Variants in RTL4 observed in about 807,000 individuals in gnomAD.
The protein encoded by RTL4 is retrotransposon Gag like 4, also known as retrotransposon Gag-like protein 4.
A neutral mutation model predicts 5.3 loss-of-function variants in RTL4; 4 were observed. The observed-to-expected ratio is 0.75, with a 90% CI of 0.37 to 1.72. The LOEUF (loss-of-function observed/expected upper bound fraction) is 1.72, where lower values mean the gene tolerates loss of function less well. Ranked by LOEUF, RTL4 falls within the 40% of genes most tolerant of loss-of-function variation. RTL4 has a pLI of 0.04. For synonymous variants in RTL4, 98 were observed against 87.3 expected, an observed-to-expected ratio of 1.12 and a Z score of -0.68; for missense variants, 260 against 227.1, an observed-to-expected ratio of 1.14 and a Z score of -0.93.
chrX:112,235,719 G>T, the RTL4 span, among the ~76,000 whole-genome samples: 1 of 111,762 alleles, frequency 8.9e-6, no homozygotes, highest in Non-Finnish European at 1.9e-5. Flanking sequence ...TGAAAAATTG[G>T]ACCTGGCACC....
the RTL4 span, among the ~76,000 whole-genome samples, chrX:112,249,730 C>T: frequency 9.3e-6 from 1 of 107,960 alleles, no homozygotes; most frequent in African/African-American, 3.4e-5. Flanking sequence ...CTGAACATCT[C>T]AGCCTCTATA....
the RTL4 span, among the ~76,000 whole-genome samples, chrX:112,198,153 T>G: frequency 1.4e-4 from 16 of 111,623 alleles, no homozygotes; most frequent in Admixed American, 1.5e-3. Context: ...GGAAGCATGC[T>G]CTGAAGAAAA....
At chrX:112,452,352 C>T (rs998317747), upstream of RTL4, among the ~76,000 whole-genome samples, 8 of 105,313 alleles carry the variant, frequency 7.6e-5, no homozygotes, top group African/African-American at 2.8e-4. Context: ...CCACCCACCT[C>T]GGCCTCCCAA....
At chrX:112,398,396 C>CTTTTTTTTTTT in the RTL4 span, among the ~76,000 whole-genome samples, 3 of 72,168 alleles carry the variant, frequency 4.2e-5, no homozygotes, top group African/African-American at 1.2e-4. Context: ...TTCTTTCTTT[C>CTTTTTTTTTTT]TTTTTTTTTT....
the RTL4 span, among the ~76,000 whole-genome samples, chrX:112,216,746 G>T: frequency 8.9e-6 from 1 of 111,788 alleles, no homozygotes; most frequent in Non-Finnish European, 1.9e-5. Context: ...CTTCTCAAGC[G>T]TGTTTATTTT....
At chrX:112,095,172 C>T in the RTL4 span, among the ~76,000 whole-genome samples, 2 of 111,370 alleles carry the variant, frequency 1.8e-5, no homozygotes, top group Non-Finnish European at 3.8e-5. Flanking sequence ...AAAGTATCCA[C>T]GTGGATTCAG....
At chrX:112,204,214 G>T in the RTL4 span, among the ~76,000 whole-genome samples, 3 of 112,279 alleles carry the variant, frequency 2.7e-5, no homozygotes, top group Non-Finnish European at 5.6e-5. Context: ...GAACGCTTGC[G>T]CACTGTTGGT....
At chrX:112,322,692 C>G in the RTL4 span, among the ~76,000 whole-genome samples, 156 of 111,132 alleles carry the variant, frequency 1.4e-3, 6 homozygotes, top group Non-Finnish European at 1.2e-3. Context: ...CATGATAAAC[C>G]ATGTTGCCCT....
the RTL4 span, among the ~76,000 whole-genome samples, chrX:112,339,693 G>C: frequency 2.7e-5 from 3 of 112,541 alleles, no homozygotes; most frequent in Non-Finnish European, 3.8e-5. Flanking sequence ...AATATCAATT[G>C]TGCATTTAAG....
At chrX:112,331,354 A>C in the RTL4 span, among the ~76,000 whole-genome samples, 1 of 106,677 alleles carries the variant, frequency 9.4e-6, no homozygotes, top group African/African-American at 3.4e-5. Context: ...AAAGGACATG[A>C]ACAGACACTT....
At chrX:112,369,745 C>T in the RTL4 span, among the ~76,000 whole-genome samples, 1,693 of 111,954 alleles carry the variant, frequency 0.015, 36 homozygotes, top group African/African-American at 0.052. Context: ...ATTCCTTTGG[C>T]TAGAAGCTAG....
At chrX:112,222,817 G>T in the RTL4 span, among the ~76,000 whole-genome samples, 6 of 112,658 alleles carry the variant, frequency 5.3e-5, no homozygotes, top group Admixed American at 3.8e-4. Flanking sequence ...CATGTAGTTG[G>T]CAAGAAGATC....
upstream of RTL4, among the ~76,000 whole-genome samples, chrX:112,451,237 G>C (rs868117683): frequency 2.9e-4 from 32 of 112,095 alleles, no homozygotes; most frequent in Middle Eastern, 9.2e-3. Context: ...TGTAATCCCA[G>C]CATTTTGGGA....
At chrX:112,115,646 C>A in the RTL4 span, among the ~76,000 whole-genome samples, 4 of 111,875 alleles carry the variant, frequency 3.6e-5, no homozygotes, top group Non-Finnish European at 5.6e-5. Context: ...TGCCCCCACC[C>A]CCCCGACAGG....
the RTL4 span, among the ~76,000 whole-genome samples, chrX:112,189,424 A>G: frequency 2.8e-4 from 31 of 112,134 alleles, no homozygotes; most frequent in Non-Finnish European, 4.7e-4. Context: ...AATAACATAC[A>G]TATTGTTGCA....
chrX:112,228,781 T>C, the RTL4 span, among the ~76,000 whole-genome samples: 1 of 112,127 alleles, frequency 8.9e-6, no homozygotes, highest in Admixed American at 9.5e-5. Flanking sequence ...AGATCATACA[T>C]TTTTTGTCTT....
At chrX:112,443,341 C>T in the RTL4 span, among the ~76,000 whole-genome samples, 5 of 111,871 alleles carry the variant, frequency 4.5e-5, no homozygotes, top group African/African-American at 1.3e-4. Flanking sequence ...TGTTCATGGA[C>T]ACTTAGCTTG....
At chrX:112,299,175 G>A in the RTL4 span, among the ~76,000 whole-genome samples, 10 of 111,458 alleles carry the variant, frequency 9.0e-5, no homozygotes, top group African/African-American at 1.3e-4. Context: ...TTGCAAATGC[G>A]CTGAGCTATT....
chrX:112,200,403 A>T, the RTL4 span, among the ~76,000 whole-genome samples: 1 of 112,088 alleles, frequency 8.9e-6, no homozygotes, highest in Non-Finnish European at 1.9e-5. Context: ...TGATTTATTT[A>T]TTATCATGTG....
Sources: allele counts gnomAD v4.1 joint callset (sites outside exome capture counted in the v4.1 genomes callset), GRCh38; gene constraint gnomAD v4.1.1; transcripts MANE v1.5; gene names NCBI Gene and HGNC (gene_info 2026-07-23, HGNC 2026-07-21).